INTS6: variants seen among roughly 807,000 people sequenced by gnomAD.
INTS6 encodes integrator complex subunit 6, also known as DEAD box protein.
A neutral mutation model predicts 104.9 loss-of-function variants in INTS6; 16 were observed. The observed-to-expected ratio is 0.15, with a 90% CI of 0.10 to 0.23. The LOEUF is 0.23. Among genes scored for constraint, INTS6 ranks in the 10% least tolerant of loss-of-function variants. The probability of loss-of-function intolerance (pLI) is 1.00; values close to 1 mark genes in which losing one functional copy is unlikely to be tolerated. For synonymous variants in INTS6, 324 were observed against 358.7 expected (o/e 0.90, Z 1.09); for missense variants, 584 against 1,062.8 (o/e 0.55, Z 6.26).
In INTS6 at chr13:51,374,734, G is replaced by A; in HGVS notation, c.1792C>T (p.Pro598Ser). 1 of 1,613,506 alleles carries A rather than the reference G, an allele frequency of 6.2e-7. No homozygotes were observed. Among genetic ancestry groups the A allele is most frequent in the Non-Finnish European group, 8.5e-7 (1 of 1,179,904 alleles). The change falls in exon 14 of 18, where the codon CCT (proline) becomes TCT (serine). Residue 598 changes from proline to serine, a missense_variant. By Grantham distance (74) the Pro-to-Ser change is moderately conservative. This residue lies in a region of INTS6 where 296 missense variants were observed against 437.0 expected (regional missense o/e 0.68). Coordinates refer to ENST00000311234, the MANE Select transcript of INTS6 (RefSeq NM_012141.3). The part of the protein sequence containing the change: ...GNYQEYLKQV[P>S]SPLRELDPDQ... ...GGATCAAGTTCTCTTAGTGGAGAAG[G>A]TACTTGCTTGAGGTATTCCTGGTAG...
intron 15 of INTS6, among the ~76,000 whole-genome samples, chr13:51,370,516 A>C (rs1431335574): frequency 6.6e-6 from 1 of 152,138 alleles, no homozygotes; most frequent in South Asian, 2.1e-4. Context: ...AAGTTCAAGA[A>C]GCCAAAGAAG....
chr13:51,436,253 C>T (rs1227967954), intron 3 of INTS6, among the ~76,000 whole-genome samples: 2 of 151,954 alleles, frequency 1.3e-5, no homozygotes, highest in East Asian at 3.8e-4. Flanking sequence ...ATGTTCAAAA[C>T]AAATACTCTT....
chr13:51,427,707 A>G (rs1957008809), intron 4 of INTS6, among the ~76,000 whole-genome samples: 2 of 152,208 alleles, frequency 1.3e-5, no homozygotes, highest in Non-Finnish European at 2.9e-5. Flanking sequence ...ACCTCAGATA[A>G]TAAGGTGCAA....
In INTS6 at chr13:51,431,960, C is replaced by G. The variant is rs183539880; in HGVS notation, c.340-1577G>C. ...TTATATTGTCTCTCATACCATTCAC[C>G]CCCAAAATATATAATAAATTCTAAT... On this transcript the variant is annotated intron_variant, in intron 3 of 17. Coordinates refer to ENST00000311234, the MANE Select transcript of INTS6 (RefSeq NM_012141.3). Among the ~76,000 whole-genome samples, 26 of 151,998 alleles carry G rather than the reference C, an allele frequency of 1.7e-4. No individual in the cohort carries two copies. The East Asian group carries it at 5.0e-3, about 29-fold the overall frequency.
downstream of INTS6, among the ~76,000 whole-genome samples, chr13:51,353,646 G>A (rs1461192426): frequency 6.6e-6 from 1 of 152,092 alleles, no homozygotes; most frequent in South Asian, 2.1e-4. Flanking sequence ...AAAGTTTTTT[G>A]GAGAAATGTC....
downstream of INTS6, among the ~76,000 whole-genome samples, chr13:51,359,035 A>G (rs542820663): frequency 6.6e-6 from 1 of 152,222 alleles, no homozygotes; most frequent in East Asian, 1.9e-4. Flanking sequence ...CAAAAGTGCA[A>G]AACTGTTTAG....
rs1953075719 is a variant in INTS6, at chr13:51,452,224, G to A, written c.112-169C>T. On this transcript the variant is annotated intron_variant, in intron 1 of 17. Transcript: ENST00000311234. The surrounding 1 kb of genome is among the most constrained non-coding windows in gnomAD (Gnocchi z 4.2). ...CAGATCGCTCCCCACACACCGCCCGGGGCCGGAGCCCGGGCCCCGGCCGAA... is the reference window on the plus strand; with the variant it reads ...CAGATCGCTCCCCACACACCGCCCGAGGCCGGAGCCCGGGCCCCGGCCGAA... The A allele has an allele frequency of 3.0e-6, 2 of 658,614 alleles. No individual in the cohort carries two copies. The highest frequency in any genetic ancestry group is 4.2e-6 in the Non-Finnish European group (2 of 470,664). The allele number at this position is 658,614 out of a possible 1,614,324, so 40.8% of individuals were successfully genotyped here. A position where few individuals can be genotyped will look rare whatever the true frequency, so the allele number is the denominator to read the frequency against.
chr13:51,421,589 G>C (rs1032309615), intron 4 of INTS6, among the ~76,000 whole-genome samples: 1 of 152,088 alleles, frequency 6.6e-6, no homozygotes, highest in Non-Finnish European at 1.5e-5. Flanking sequence ...AGTGAAAGTG[G>C]AAGTTAAATA....
downstream of INTS6, among the ~76,000 whole-genome samples, chr13:51,349,714 C>T (rs946328018): frequency 6.6e-6 from 1 of 152,138 alleles, no homozygotes; most frequent in Non-Finnish European, 1.5e-5. Flanking sequence ...AGTCTCAAAC[C>T]CTCAAGCAGT....
rs1593674556 is a variant in INTS6, at chr13:51,375,963, T to C, written c.1729+85A>G. On this transcript the variant is annotated intron_variant, in intron 13 of 17. Transcript: ENST00000311234. ...GAATGTTATAGTACTGTAATAATTC[T>C]TTGAAATTTACATCACCATGCTATG... The C allele has an allele frequency of 7.7e-6, 9 of 1,168,634 alleles. No individual in the cohort carries two copies. The East Asian group carries it at 2.2e-4, about 29-fold the overall frequency. The allele number at this position is 1,168,634 out of a possible 1,614,324, so 72.4% of individuals were successfully genotyped here. A position where few individuals can be genotyped will look rare whatever the true frequency, so the allele number is the denominator to read the frequency against.
intron 4 of INTS6, among the ~76,000 whole-genome samples, chr13:51,429,779 AAAAAAAATATAT>A (rs1957054199): frequency 1.5e-5 from 2 of 129,492 alleles, no homozygotes; most frequent in Admixed American, 7.8e-5. Context: ...AAAAAAAAAA[AAAAAAAATATAT>A]ATATATATAT....
the INTS6 span, among the ~76,000 whole-genome samples, chr13:51,343,558 A>G: frequency 2.6e-5 from 4 of 151,796 alleles, no homozygotes; most frequent in African/African-American, 9.7e-5. Flanking sequence ...GAAGCTATCG[A>G]CTCCCTCAAA....
intron 4 of INTS6, among the ~76,000 whole-genome samples, chr13:51,399,220 TTTTA>T (rs1332004192): frequency 5.0e-5 from 6 of 118,942 alleles, no homozygotes; most frequent in Non-Finnish European, 8.4e-5. Context: ...TAGTTTTATT[TTTTA>T]GAGACAAGCT....
chr13:51,451,790 C>A (rs1260327394), intron 2 of INTS6, among the ~76,000 whole-genome samples, 188 bp downstream of exon 2: 1 of 150,348 alleles, frequency 6.7e-6, no homozygotes. Context: ...CCCCGCGACT[C>A]CGCGCCGCGC....
At chr13:51,360,113 TA>T (rs1346215212), downstream of INTS6, among the ~76,000 whole-genome samples, 1 of 152,138 alleles carries the variant, frequency 6.6e-6, no homozygotes, top group Non-Finnish European at 1.5e-5. Context: ...GGTCTGGTTT[TA>T]TTCTCTCATG....
intron 3 of INTS6, chr13:51,447,223 C>G (rs1476459517): frequency 6.6e-6 from 1 of 152,070 alleles, no homozygotes; most frequent in Non-Finnish European, 1.5e-5. Flanking sequence ...TGTTGATAAT[C>G]TAAGAGAAAC....
chr13:51,404,356 C>T (rs1004495350), intron 4 of INTS6, among the ~76,000 whole-genome samples: 2 of 151,458 alleles, frequency 1.3e-5, no homozygotes, highest in Admixed American at 6.6e-5. Flanking sequence ...ACAAAGTTTC[C>T]ATGCTAATGT....
At position 51,452,781 on chromosome 13, in the gene INTS6, C is replaced by T; in HGVS notation, c.-256G>A. 8.3e-7 allele frequency: 1 copy of T among 1,208,458 alleles called. No homozygotes were observed. Among genetic ancestry groups the T allele is most frequent in the Non-Finnish European group, 1.0e-6 (1 of 966,044 alleles). 74.9% of individuals were successfully genotyped at this position (1,208,458 alleles called of 1,614,324 possible). On this transcript the variant is annotated 5_prime_UTR_variant, in exon 1 of 18. Transcript: ENST00000311234. This position sits in a 1 kb window ranked among gnomAD's most constrained non-coding sequence, Gnocchi z 4.2. ...GCCTGCCTGCCCGCTGGGGCGGGCG[C>T]CCAGCCGTCTGTCTGTCGGTTCGTC... is the stretch of plus-strand genomic sequence containing the variant.
intron 4 of INTS6, among the ~76,000 whole-genome samples, chr13:51,404,293 T>TA (rs55785764): frequency 0.047 from 4,986 of 106,520 alleles, 88 homozygotes; most frequent in East Asian, 0.085. Flanking sequence ...AAGCAAAAAC[T>TA]AAAAAAAAAA....
Sources: allele counts gnomAD v4.1 joint callset (sites outside exome capture counted in the v4.1 genomes callset), GRCh38; gene constraint gnomAD v4.1.1; regional missense constraint gnomAD v4.1.1; non-coding constraint Gnocchi (gnomAD v3.1); transcripts MANE v1.5; gene names NCBI Gene and HGNC (gene_info 2026-07-23, HGNC 2026-07-21).